TAFA1: variants seen among roughly 807,000 people sequenced by gnomAD.
The protein encoded by TAFA1 is chemokine-like protein TAFA-1.
Under a neutral mutation model 18.5 loss-of-function variants are expected in TAFA1, and 4 were observed. The observed-to-expected ratio is 0.22, with a 90% CI of 0.11 to 0.49. The LOEUF (loss-of-function observed/expected upper bound fraction) is 0.49, where lower values mean the gene tolerates loss of function less well. TAFA1 is among the 20% of genes least tolerant of loss of function. The pLI, the probability that TAFA1 is intolerant of heterozygous loss-of-function variation, is 0.98. For synonymous variants in TAFA1, 56 were observed against 55.2 expected (o/e 1.01, Z -0.06); for missense variants, 147 against 169.0 (o/e 0.87, Z 0.72).
intron 2 of TAFA1, among the ~76,000 whole-genome samples, chr3:68,065,738 G>GTA (rs1438316582): frequency 3.8e-4 from 50 of 131,946 alleles, no homozygotes; most frequent in African/African-American, 1.4e-3. Flanking sequence ...ATGTGTGTGT[G>GTA]TGTATATATA....
At chr3:68,441,710 C>T (rs1352915731) in intron 3 of TAFA1, among the ~76,000 whole-genome samples, 1 of 152,166 alleles carries the variant, frequency 6.6e-6, no homozygotes, top group African/African-American at 2.4e-5. Flanking sequence ...GCCACCCTGC[C>T]TTTTCTCCCT....
intron 2 of TAFA1, among the ~76,000 whole-genome samples, chr3:68,340,817 C>A (rs891730781): frequency 2.6e-5 from 4 of 152,088 alleles, no homozygotes; most frequent in Admixed American, 2.6e-4. Flanking sequence ...TTTTAAGTTA[C>A]AATTTAATGA....
At chr3:68,385,822 G>A (rs147410035) in intron 2 of TAFA1, among the ~76,000 whole-genome samples, 29 of 151,878 alleles carry the variant, frequency 1.9e-4, no homozygotes, top group South Asian at 4.2e-4. Context: ...ACAATTGTAC[G>A]TATTTATGAG....
chr3:68,355,451 T>C (rs2069343084), intron 2 of TAFA1, among the ~76,000 whole-genome samples: 1 of 151,900 alleles, frequency 6.6e-6, no homozygotes, highest in Non-Finnish European at 1.5e-5. Flanking sequence ...ACTGAGTCAG[T>C]AGGATTGTTA....
chr3:68,417,034 T>C (rs2070852545), intron 2 of TAFA1, among the ~76,000 whole-genome samples: 1 of 152,210 alleles, frequency 6.6e-6, no homozygotes, highest in Admixed American at 6.5e-5. Flanking sequence ...TGCCTGTCAA[T>C]ACCTACAGGC....
chr3:68,349,294 A>C (rs2069221663), intron 2 of TAFA1, among the ~76,000 whole-genome samples: 1 of 151,964 alleles, frequency 6.6e-6, no homozygotes, highest in African/African-American at 2.4e-5. Context: ...TCACAAGCAA[A>C]ATGCTTTCTA....
chr3:68,370,493 T>C (rs1444210736), intron 2 of TAFA1, among the ~76,000 whole-genome samples: 5 of 98,420 alleles, frequency 5.1e-5, no homozygotes, highest in South Asian at 3.3e-4. Flanking sequence ...TATATATATA[T>C]ATATATATAT....
At chr3:68,401,256 G>A (rs2070482993) in intron 2 of TAFA1, among the ~76,000 whole-genome samples, 1 of 152,178 alleles carries the variant, frequency 6.6e-6, no homozygotes, top group Non-Finnish European at 1.5e-5. Context: ...TGACACTGGA[G>A]CTAGGGTGGT....
chr3:68,328,609 G>A (rs909827872), intron 2 of TAFA1, among the ~76,000 whole-genome samples: 1 of 152,120 alleles, frequency 6.6e-6, no homozygotes, highest in Non-Finnish European at 1.5e-5. Flanking sequence ...AAACTAGCAG[G>A]CTAACGTGAG....
chr3:68,043,830 A>G (rs572576655), intron 2 of TAFA1, among the ~76,000 whole-genome samples: 2 of 151,430 alleles, frequency 1.3e-5, no homozygotes, highest in Admixed American at 6.6e-5. Context: ...AGAAAAATTC[A>G]TTTCTGTTTT....
At chr3:68,071,864 A>G (rs75254907) in intron 2 of TAFA1, among the ~76,000 whole-genome samples, 2,415 of 151,778 alleles carry the variant, frequency 0.016, 67 homozygotes, top group African/African-American at 0.056. Flanking sequence ...TCTTAGGAGA[A>G]CTCACTCGCT....
intron 2 of TAFA1, among the ~76,000 whole-genome samples, chr3:68,009,172 T>TGCTACCAC (rs1260056011): frequency 6.6e-6 from 1 of 152,218 alleles, no homozygotes; most frequent in Non-Finnish European, 1.5e-5. Flanking sequence ...ATGGCTAGAA[T>TGCTACCAC]ATACTACCAA....
At chr3:68,107,563 A>G (rs2065217086) in intron 2 of TAFA1, among the ~76,000 whole-genome samples, 1 of 152,168 alleles carries the variant, frequency 6.6e-6, no homozygotes, top group Non-Finnish European at 1.5e-5. Context: ...CTGGTTCTAC[A>G]GTATTTTCTT....
rs566428194 is a variant in TAFA1 at position 68,489,672 on chromosome 3, A to G, written c.260-49084A>G. Among the ~76,000 whole-genome samples the G allele has an allele frequency of 2.6e-5, 4 of 152,370 alleles. No homozygotes were observed. The East Asian group carries it at 5.8e-4, about 22-fold the overall frequency. On this transcript the variant is annotated intron_variant, in intron 3 of 4. Coordinates refer to ENST00000478136, the MANE Select transcript of TAFA1 (RefSeq NM_213609.4). ...TGCTACAAAAGCGATGATAAGTAGTACTGCTGTTTCCTTAGCACAAAATCA... is the reference window on the plus strand; with the variant it reads ...TGCTACAAAAGCGATGATAAGTAGTGCTGCTGTTTCCTTAGCACAAAATCA...
At chr3:68,052,843 T>A (rs1336542847) in intron 2 of TAFA1, among the ~76,000 whole-genome samples, 1 of 152,210 alleles carries the variant, frequency 6.6e-6, no homozygotes, top group Non-Finnish European at 1.5e-5. Flanking sequence ...CAAAGATTTA[T>A]GTGACTTACT....
intron 2 of TAFA1, among the ~76,000 whole-genome samples, chr3:68,040,432 A>G (rs1007897157): frequency 4.6e-5 from 7 of 152,134 alleles, no homozygotes; most frequent in African/African-American, 1.2e-4. Flanking sequence ...AACTGAGTAG[A>G]GTCAAGAAAC....
intron 2 of TAFA1, among the ~76,000 whole-genome samples, chr3:68,238,223 T>C (rs1470324795): frequency 6.6e-6 from 1 of 152,142 alleles, no homozygotes; most frequent in Non-Finnish European, 1.5e-5. Flanking sequence ...AGGTGGTCTT[T>C]TGACATCAGA....
At chr3:68,218,622 C>T (rs985191637) in intron 2 of TAFA1, among the ~76,000 whole-genome samples, 1 of 152,142 alleles carries the variant, frequency 6.6e-6, no homozygotes, top group Admixed American at 6.5e-5. Context: ...ACTGGAAAAG[C>T]ATCCAGACAG....
At chr3:68,174,289 T>A (rs1407507279) in intron 2 of TAFA1, among the ~76,000 whole-genome samples, 1 of 152,200 alleles carries the variant, frequency 6.6e-6, no homozygotes, top group East Asian at 1.9e-4. Flanking sequence ...CCTGCTCAGA[T>A]CTCATCTTGG....
Sources: gnomAD v4.1 joint callset for allele counts (sites outside exome capture counted in the v4.1 genomes callset) on GRCh38, gnomAD v4.1.1 for gene constraint, MANE v1.5 for transcripts, NCBI Gene and HGNC (gene_info 2026-07-23, HGNC 2026-07-21) for gene names.